NLRP8: variants seen among roughly 807,000 people sequenced by gnomAD.
NLRP8 encodes the protein NACHT, LRR and PYD domains-containing protein 8.
In NLRP8, 86 loss-of-function variants were observed where a neutral mutation model predicts 88.7. The ratio of observed to expected loss-of-function variants is 0.97; its 90% CI spans 0.81 to 1.16. The LOEUF (loss-of-function observed/expected upper bound fraction) is 1.16, where lower values mean the gene tolerates loss of function less well. Among genes scored for constraint, NLRP8 ranks in the 50% most tolerant of loss-of-function variants. The pLI is 0.00. For synonymous variants in NLRP8, 504 were observed against 494.6 expected (o/e 1.02, Z -0.25); for missense variants, 1,342 against 1,286.5 (o/e 1.04, Z -0.66).
In NLRP8 at chr19:55,987,999, C is replaced by A; in HGVS notation, c.*86C>A. 2 of 986,282 alleles carry A rather than the reference C, an allele frequency of 2.0e-6. No individual in the cohort carries two copies. Among genetic ancestry groups the A allele is most frequent in the Non-Finnish European group, 3.2e-6 (2 of 623,622 alleles). The allele number at this position is 986,282 out of a possible 1,614,324, so 61.1% of individuals were successfully genotyped here. ...ATACCAGGCGTTATCATCCTGTATG[C>A]ATTAACGTACTTTCCCCTGAAACAG... On this transcript the variant is annotated 3_prime_UTR_variant, in exon 10 of 10. Coordinates refer to ENST00000291971, the MANE Select transcript of NLRP8 (RefSeq NM_176811.2).
chr19:55,953,891 G>A (rs1979211353), intron 2 of NLRP8, among the ~76,000 whole-genome samples: 1 of 135,676 alleles, frequency 7.4e-6, no homozygotes, highest in South Asian at 2.6e-4. Context: ...AACCTCTGCC[G>A]CCTGGATTCA....
At position 55,954,718 on chromosome 19, in the gene NLRP8, C is replaced by CA; in HGVS notation, c.665dup (p.Val223GlyfsTer4). The CA allele has an allele frequency of 2.4e-5, 39 of 1,614,078 alleles. No individual in the cohort carries two copies. The highest frequency in any genetic ancestry group is 3.1e-5 in the Non-Finnish European group (36 of 1,180,016). On this transcript the variant is annotated frameshift_variant, in exon 3 of 10. Coordinates refer to ENST00000291971, the MANE Select transcript of NLRP8 (RefSeq NM_176811.2). LOFTEE classifies it high-confidence loss of function. Reference sequence around the variant, plus strand: ...CTGGGATCGGAAAAACAATCCTGGCCAAAAAGGTGATGTTTGAGTGGGCCA... The same window carrying CA: ...CTGGGATCGGAAAAACAATCCTGGCCAAAAAAGGTGATGTTTGAGTGGGCCA...
chr19:55,948,400 C>A, intron 1 of NLRP8, 131 bp downstream of exon 1: 1 of 963,932 alleles, frequency 1.0e-6, no homozygotes, highest in Non-Finnish European at 1.5e-6. Context: ...GATAATGGAT[C>A]TAACCCAAAG....
intron 9 of NLRP8, among the ~76,000 whole-genome samples, chr19:55,983,818 C>CAAAAAAA (rs56312019): frequency 1.5e-4 from 13 of 84,650 alleles, no homozygotes; most frequent in African/African-American, 1.8e-4. Flanking sequence ...CTAGTAGATG[C>CAAAAAAA]AAAAAAAAAA....
chr19:55,969,268 C>T (rs1222142837), intron 5 of NLRP8, among the ~76,000 whole-genome samples: 2 of 152,186 alleles, frequency 1.3e-5, no homozygotes, highest in Non-Finnish European at 2.9e-5. Context: ...CCAACCTTCA[C>T]CCCAACCACA....
rs766650606 is a variant in NLRP8 at position 55,962,209 on chromosome 19, C to T, written c.2185C>T (p.His729Tyr). ...GAAGGCTCTCGCGGCCGCACTGAGGCACCCTCAGTGCAAACTGCAAAAGCT... is the reference window on the plus strand; with the variant it reads ...GAAGGCTCTCGCGGCCGCACTGAGGTACCCTCAGTGCAAACTGCAAAAGCT... The change falls in exon 4 of 10, where the codon CAC becomes TAC. Residue 729 changes from histidine to tyrosine, a missense_variant. By Grantham distance (83) the His-to-Tyr change is moderately conservative (BLOSUM62 2). Coordinates refer to ENST00000291971, the MANE Select transcript of NLRP8 (RefSeq NM_176811.2). 1 of 1,613,926 alleles carries T rather than the reference C, an allele frequency of 6.2e-7. No individual in the cohort carries two copies. Among genetic ancestry groups the T allele is most frequent in the Non-Finnish European group, 8.5e-7 (1 of 1,179,942 alleles).
chr19:55,956,956 C>A (rs1238012074), intron 3 of NLRP8, among the ~76,000 whole-genome samples: 1 of 152,118 alleles, frequency 6.6e-6, no homozygotes, highest in Non-Finnish European at 1.5e-5. Context: ...CCATGCCTGG[C>A]TAATTTTTTA....
At chr19:55,970,301 A>C (rs537932209) in intron 5 of NLRP8, among the ~76,000 whole-genome samples, 2 of 152,264 alleles carry the variant, frequency 1.3e-5, no homozygotes, top group Non-Finnish European at 1.5e-5. Context: ...GCTGAATGGA[A>C]ATAGTTAGAG....
At position 55,973,685 on chromosome 19, in the gene NLRP8, T is replaced by G. The variant is rs750883370; in HGVS notation, c.2568T>G (p.Cys856Trp). ...ACTGCAACCTTACACAGCTTACTTG[T>G]GAAAGCCTTGCCTCCTGTCTCAGGC... Residue 856 changes from cysteine to tryptophan, a missense_variant, in exon 7 of 10, where the codon TGT becomes TGG. Cys to Trp is a radical substitution (Grantham distance 215). Transcript: ENST00000291971. 5.0e-6 allele frequency: 8 copies of G among 1,613,666 alleles called. No individual in the cohort carries two copies. In the South Asian group the frequency reaches 7.7e-5, roughly 16 times the overall value.
rs1257885288 is a variant in NLRP8, at chr19:55,955,185, G to A, written c.1127G>A (p.Gly376Glu). The change falls in exon 3 of 10, where the codon GGA (glycine) becomes GAA (glutamate). Residue 376 changes from glycine (G) to glutamate (E), a missense_variant. By Grantham distance (98) the Gly-to-Glu change is moderately conservative. Transcript: ENST00000291971. Reference sequence around the variant, plus strand: ...ATGTATTTTGGACACACAGAGGAGGGAGACCAAGTCTTGAGTTTCGCCATG... The same window carrying A: ...ATGTATTTTGGACACACAGAGGAGGAAGACCAAGTCTTGAGTTTCGCCATG... The A allele has an allele frequency of 2.5e-6, 4 of 1,613,994 alleles. No individual in the cohort carries two copies. The highest frequency in any genetic ancestry group is 2.5e-6 in the Non-Finnish European group (3 of 1,180,002).
chr19:55,974,568 C>G (rs1380173428), intron 7 of NLRP8, among the ~76,000 whole-genome samples: 1 of 151,920 alleles, frequency 6.6e-6, no homozygotes, highest in African/African-American at 2.4e-5. Flanking sequence ...AACCCCGTCT[C>G]TACTAAAAAT....
chr19:55,966,396 G>T lies in NLRP8; in HGVS notation c.2381+16G>T, dbSNP rs77308844. On this transcript the variant is annotated intron_variant, in intron 5 of 9. Transcript: ENST00000291971. ...AGTGTCTCAGGTGAGATTTGAGAGGGGGGTTAGAGTGGGAACCGGGGTACC... is the reference window on the plus strand; with the variant it reads ...AGTGTCTCAGGTGAGATTTGAGAGGTGGGTTAGAGTGGGAACCGGGGTACC... 6.2e-7 allele frequency: 1 copy of T among 1,611,486 alleles called. No individual in the cohort carries two copies. Among genetic ancestry groups the T allele is most frequent in the Non-Finnish European group, 8.5e-7 (1 of 1,178,332 alleles).
chr19:55,976,848 G>A (rs986143402), intron 8 of NLRP8, among the ~76,000 whole-genome samples: 4 of 150,436 alleles, frequency 2.7e-5, no homozygotes, highest in Non-Finnish European at 5.9e-5. Flanking sequence ...GGGAGGCTGA[G>A]GTGGGGCGGA....
At chr19:55,956,658 G>A (rs190811211) in intron 3 of NLRP8, among the ~76,000 whole-genome samples, 3 of 152,122 alleles carry the variant, frequency 2.0e-5, no homozygotes, top group African/African-American at 4.8e-5. Flanking sequence ...TTGTTTTACT[G>A]CCAGGACTGA....
At chr19:55,981,601 G>GTTA (rs1351204595) in intron 9 of NLRP8, among the ~76,000 whole-genome samples, 1 of 152,174 alleles carries the variant, frequency 6.6e-6, no homozygotes, top group Non-Finnish European at 1.5e-5. Flanking sequence ...TCCATCAACT[G>GTTA]TTAAGGAAGA....
At chr19:55,973,309 A>G (rs941440474) in intron 6 of NLRP8, among the ~76,000 whole-genome samples, 6 of 150,628 alleles carry the variant, frequency 4.0e-5, no homozygotes, top group Non-Finnish European at 8.9e-5. Context: ...TTTCTTGCTG[A>G]TTTGTTCTTT....
intron 3 of NLRP8, among the ~76,000 whole-genome samples, chr19:55,956,405 G>A (rs989235637): frequency 3.3e-5 from 5 of 152,042 alleles, no homozygotes; most frequent in African/African-American, 2.4e-5. Flanking sequence ...CACTGCACCC[G>A]GCTAATTTTG....
At chr19:55,979,657 G>A (rs1264545602) in intron 9 of NLRP8, 93 bp downstream of exon 9, 3 of 1,364,356 alleles carry the variant, frequency 2.2e-6, no homozygotes, top group Non-Finnish European at 3.1e-6. Context: ...AGTGGTGCAT[G>A]CCTGTAATCC....
Position 55,954,886 on chromosome 19 carries a change from C to T in NLRP8, c.828C>T (p.Ser276=). The T allele has an allele frequency of 6.2e-7, 1 of 1,614,158 alleles. No homozygotes were observed. Among genetic ancestry groups the T allele is most frequent in the Non-Finnish European group, 8.5e-7 (1 of 1,180,034 alleles). Residue 276 remains serine, a synonymous_variant, in exon 3 of 10, where the codon TCC becomes TCT. Transcript: ENST00000291971. ...AGGACCTCGTGTCAAAGATTATGTC[C>T]AAACCCGACCAACTTCTGCTGCTCT...
Sources: gnomAD v4.1 joint callset for allele counts (sites outside exome capture counted in the v4.1 genomes callset) on GRCh38, gnomAD v4.1.1 for gene constraint, MANE v1.5 for transcripts, NCBI Gene and HGNC (gene_info 2026-07-23, HGNC 2026-07-21) for gene names.